SH3GLB1: variants seen among roughly 807,000 people sequenced by gnomAD.
SH3GLB1 encodes SH3 domain containing GRB2 like, endophilin B1.
SH3GLB1 carries 17 observed loss-of-function variants against 42.0 expected under a neutral mutation model. The ratio of observed to expected loss-of-function variants is 0.40; its 90% CI spans 0.28 to 0.61. The LOEUF (loss-of-function observed/expected upper bound fraction) is 0.61, where lower values mean the gene tolerates loss of function less well. Among genes scored for constraint, SH3GLB1 ranks in the 20% least tolerant of loss-of-function variants. The probability of loss-of-function intolerance (pLI) is 0.36; values close to 1 mark genes in which losing one functional copy is unlikely to be tolerated. For missense variants in SH3GLB1, 355 were observed against 426.3 expected, an observed-to-expected ratio of 0.83 and a Z score of 1.47; for synonymous variants, 132 against 146.6, an observed-to-expected ratio of 0.90 and a Z score of 0.72.
chr1:86,723,183 G>A (rs986156799), intron 4 of SH3GLB1, among the ~76,000 whole-genome samples: 8 of 152,150 alleles, frequency 5.3e-5, no homozygotes, highest in Non-Finnish European at 1.0e-4. Flanking sequence ...TATTTGGCCT[G>A]AGACAGAAGA....
intron 5 of SH3GLB1, among the ~76,000 whole-genome samples, chr1:86,726,785 G>A (rs776352869): frequency 2.6e-4 from 40 of 151,908 alleles, no homozygotes; most frequent in Non-Finnish European, 3.2e-4. Flanking sequence ...AAGCCTGGAG[G>A]TATTCCTGTA....
At chr1:86,722,090 G>A (rs1374202595) in intron 3 of SH3GLB1, among the ~76,000 whole-genome samples, 2 of 140,034 alleles carry the variant, frequency 1.4e-5, no homozygotes, top group South Asian at 4.5e-4. Flanking sequence ...GGGCTCAAAC[G>A]ATCCTCCTCC....
Position 86,743,118 on chromosome 1 carries a change from T to C in SH3GLB1, c.991-10T>C. 1 of 1,603,968 alleles carries C rather than the reference T, an allele frequency of 6.2e-7. No individual in the cohort carries two copies. ...ATGTAGTTAATAACTGGAAGTATTT[T>C]ATTTTGCAGGTGATCACTGTGTTCA... On this transcript the variant is annotated splice_polypyrimidine_tract_variant and intron_variant, in intron 8 of 8. Coordinates refer to ENST00000370558, the MANE Select transcript of SH3GLB1 (RefSeq NM_016009.5).
chr1:86,704,984 T>TG lies in SH3GLB1; in HGVS notation c.72+19dup. 1 of 1,559,556 alleles carries TG rather than the reference T, an allele frequency of 6.4e-7. No homozygotes were observed. Among genetic ancestry groups the TG allele is most frequent in the Non-Finnish European group, 8.7e-7 (1 of 1,153,306 alleles). On this transcript the variant is annotated intron_variant, in intron 1 of 8. Coordinates refer to ENST00000370558, the MANE Select transcript of SH3GLB1 (RefSeq NM_016009.5). ...TCGCGCCGTGCAGGTACCCTGGTGCTGGGGGGAAAAGGGGTGGCGGCGCCC... is the reference window on the plus strand; with the variant it reads ...TCGCGCCGTGCAGGTACCCTGGTGCTGGGGGGGAAAAGGGGTGGCGGCGCCC...
At chr1:86,714,619 G>A (rs556560864) in intron 1 of SH3GLB1, among the ~76,000 whole-genome samples, 3 of 152,284 alleles carry the variant, frequency 2.0e-5, no homozygotes, top group African/African-American at 4.8e-5. Flanking sequence ...CAAGAAGAAG[G>A]ATGCTGAAAG....
intron 1 of SH3GLB1, among the ~76,000 whole-genome samples, chr1:86,710,525 A>T (rs1654151886): frequency 6.6e-6 from 1 of 152,068 alleles, no homozygotes; most frequent in Non-Finnish European, 1.5e-5. Flanking sequence ...TCAGCCTCCC[A>T]AAGTGCTGGG....
intron 8 of SH3GLB1, 84 bp downstream of exon 8, chr1:86,742,520 A>C: frequency 1.0e-6 from 1 of 960,096 alleles, no homozygotes; most frequent in Non-Finnish European, 1.6e-6. Context: ...ATTCCTCATT[A>C]GTTATTTGGA....
chr1:86,730,437 TAAAATATA>T, intron 5 of SH3GLB1: 1 of 868,622 alleles, frequency 1.2e-6, no homozygotes, highest in African/African-American at 1.8e-5. Flanking sequence ...TTTTAAAATG[TAAAATATA>T]GTTAACACCA....
At chr1:86,723,662 T>C (rs1454452673) in intron 4 of SH3GLB1, among the ~76,000 whole-genome samples, 2 of 152,252 alleles carry the variant, frequency 1.3e-5, no homozygotes, top group South Asian at 2.1e-4. Context: ...AATTCTAAGA[T>C]ACTATACTAA....
At chr1:86,723,018 A>T (rs916701237) in intron 4 of SH3GLB1, among the ~76,000 whole-genome samples, 3 of 152,304 alleles carry the variant, frequency 2.0e-5, no homozygotes, top group African/African-American at 7.2e-5. Context: ...TAGGATTTTA[A>T]CTTATTTTCT....
At position 86,744,779 on chromosome 1, in the gene SH3GLB1, T is replaced by C. The variant is rs530760424; in HGVS notation, c.*1544T>C. The C allele has an allele frequency of 1.5e-4, 23 of 152,358 alleles. No individual in the cohort carries two copies. Among genetic ancestry groups the C allele is most frequent in the African/African-American group, 4.1e-4 (17 of 41,582 alleles). The allele number at this position is 152,358 out of a possible 1,614,324, so 9.4% of individuals were successfully genotyped here. A position where few individuals can be genotyped will look rare whatever the true frequency, so the allele number is the denominator to read the frequency against. Reference sequence around the variant, plus strand: ...GAACTTGGTAAACATGTTGACAATTTAACTCACAGTCTAAACTTTAAAAGT... The same window carrying C: ...GAACTTGGTAAACATGTTGACAATTCAACTCACAGTCTAAACTTTAAAAGT... On this transcript the variant is annotated 3_prime_UTR_variant, in exon 9 of 9. Transcript: ENST00000370558.
rs566418215 is a variant in SH3GLB1 at position 86,726,274 on chromosome 1, G to A, written c.570+1869G>A. On this transcript the variant is annotated intron_variant, in intron 5 of 8. Transcript: ENST00000370558. ...AAAAAGCACTATTACAGGAATGACC[G>A]TCTGCTTTTCTACCTGGAAAAGTTC... Among the ~76,000 whole-genome samples, 34 of 152,068 alleles carry A rather than the reference G, an allele frequency of 2.2e-4. No homozygotes were observed. In the South Asian group the frequency reaches 3.3e-3, roughly 15 times the overall value.
At chr1:86,721,779 G>A (rs774358503) in intron 3 of SH3GLB1, among the ~76,000 whole-genome samples, 2 of 151,904 alleles carry the variant, frequency 1.3e-5, no homozygotes, top group African/African-American at 2.4e-5. Flanking sequence ...GTCACCCCTC[G>A]ATATCCATGG....
At chr1:86,734,839 T>C in intron 6 of SH3GLB1, 148 bp downstream of exon 6, 1 of 658,644 alleles carries the variant, frequency 1.5e-6, no homozygotes, top group African/African-American at 1.8e-5. Context: ...ATATTTTAAA[T>C]TGTTGTTTAC....
intron 5 of SH3GLB1, among the ~76,000 whole-genome samples, chr1:86,729,016 G>GA (rs1053512076): frequency 1.3e-5 from 2 of 152,118 alleles, no homozygotes; most frequent in Non-Finnish European, 2.9e-5. Flanking sequence ...AGTTTTGGTG[G>GA]AATGGTGATA....
At chr1:86,722,138 A>C (rs1570263394) in intron 3 of SH3GLB1, among the ~76,000 whole-genome samples, 1 of 145,558 alleles carries the variant, frequency 6.9e-6, no homozygotes, top group Non-Finnish European at 1.5e-5. Context: ...GACATATGCC[A>C]CCACTGTGCC....
At chr1:86,718,460 G>A (rs1654681284) in intron 2 of SH3GLB1, among the ~76,000 whole-genome samples, 1 of 152,128 alleles carries the variant, frequency 6.6e-6, no homozygotes, top group Non-Finnish European at 1.5e-5. Context: ...TTCTGATTTT[G>A]TACTAGAATC....
chr1:86,733,520 A>G (rs1298529947), intron 5 of SH3GLB1, among the ~76,000 whole-genome samples: 4 of 152,166 alleles, frequency 2.6e-5, no homozygotes. Flanking sequence ...CTGGAGAGGT[A>G]GTCAAACCTA....
intron 5 of SH3GLB1, among the ~76,000 whole-genome samples, chr1:86,733,822 C>T (rs1655638171): frequency 6.6e-6 from 1 of 152,088 alleles, no homozygotes; most frequent in South Asian, 2.1e-4. Context: ...ACGTTAGTAG[C>T]TGGAAATCAG....
Sources: allele counts gnomAD v4.1 joint callset (sites outside exome capture counted in the v4.1 genomes callset), GRCh38; gene constraint gnomAD v4.1.1; transcripts MANE v1.5; gene names NCBI Gene and HGNC (gene_info 2026-07-23, HGNC 2026-07-21).